Variants in PDE11A observed in about 807,000 individuals in gnomAD.
The protein encoded by PDE11A is phosphodiesterase 11A, also known as dual 3',5'-cyclic-AMP and -GMP phosphodiesterase 11A.
PDE11A carries 100 observed loss-of-function variants against 100.5 expected under a neutral mutation model. That is an observed-to-expected ratio of 1.00 (90% CI 0.85 to 1.18). The LOEUF (loss-of-function observed/expected upper bound fraction) is 1.18, where lower values mean the gene tolerates loss of function less well. Among genes scored for constraint, PDE11A ranks in the 50% most tolerant of loss-of-function variants. The probability of loss-of-function intolerance (pLI) is 0.00; values close to 1 mark genes in which losing one functional copy is unlikely to be tolerated. For synonymous variants in PDE11A, 381 were observed against 420.8 expected (o/e 0.91, Z 1.16); for missense variants, 1,141 against 1,152.6 (o/e 0.99, Z 0.15).
chr2:177,638,154 C>T (rs1197528625), intron 19 of PDE11A, among the ~76,000 whole-genome samples: 1 of 151,558 alleles, frequency 6.6e-6, no homozygotes, highest in Non-Finnish European at 1.5e-5. Context: ...TGCCCGCCAC[C>T]GTGCCCGGCT....
intron 2 of PDE11A, among the ~76,000 whole-genome samples, chr2:177,947,288 G>C (rs1026355427): frequency 2.8e-5 from 4 of 144,430 alleles, no homozygotes; most frequent in Admixed American, 1.4e-4. Context: ...CATTGAGAAC[G>C]GGCCAGGATG....
chr2:177,851,759 T>A (rs1297067252), intron 5 of PDE11A, among the ~76,000 whole-genome samples: 1 of 152,078 alleles, frequency 6.6e-6, no homozygotes, highest in Non-Finnish European at 1.5e-5. Context: ...AACTTTTAAG[T>A]TCAGGGGTAC....
rs892470540 is a variant in PDE11A at position 177,628,433 on chromosome 2, T to C, written c.*974A>G. 2.0e-5 allele frequency: 3 copies of C among 152,646 alleles called. No homozygotes were observed. The highest frequency in any genetic ancestry group is 4.4e-5 in the Non-Finnish European group (3 of 68,026). 9.5% of individuals were successfully genotyped at this position (152,646 alleles called of 1,614,324 possible). A position where few individuals can be genotyped will look rare whatever the true frequency, so the allele number is the denominator to read the frequency against. On this transcript the variant is annotated 3_prime_UTR_variant, in exon 20 of 20. Transcript: ENST00000286063. ...TTGCCCAGACTGTTATTTCTTAACA[T>C]TTGAAGCATTGTTTCTTACACTTAA...
intron 4 of PDE11A, among the ~76,000 whole-genome samples, chr2:177,897,515 A>G (rs896924824): frequency 6.6e-5 from 10 of 152,184 alleles, no homozygotes; most frequent in African/African-American, 2.2e-4. Context: ...AAGCCTCCAC[A>G]GGACAAATCT....
At chr2:178,082,609 G>A (rs2087301309) in intron 2 of PDE11A, among the ~76,000 whole-genome samples, 1 of 152,284 alleles carries the variant, frequency 6.6e-6, no homozygotes, top group East Asian at 1.9e-4. Flanking sequence ...AGCTATAGGA[G>A]GAGTCATGAA....
At chr2:178,084,987 C>T (rs772637806) in intron 2 of PDE11A, among the ~76,000 whole-genome samples, 1 of 152,152 alleles carries the variant, frequency 6.6e-6, no homozygotes, top group Non-Finnish European at 1.5e-5. Flanking sequence ...CTTGGACTTT[C>T]CTTATGCCAC....
intron 10 of PDE11A, among the ~76,000 whole-genome samples, chr2:177,748,817 T>C (rs530238613): frequency 4.6e-5 from 7 of 152,106 alleles, no homozygotes; most frequent in Non-Finnish European, 1.0e-4. Context: ...GAATGAAGGA[T>C]CTATGAAAAT....
At chr2:177,755,248 T>G (rs980547176) in intron 10 of PDE11A, among the ~76,000 whole-genome samples, 1 of 152,234 alleles carries the variant, frequency 6.6e-6, no homozygotes, top group African/African-American at 2.4e-5. Context: ...TCACCCCTGA[T>G]TCTACTTAGT....
intron 6 of PDE11A, among the ~76,000 whole-genome samples, chr2:177,822,614 T>C (rs1456733075): frequency 6.6e-6 from 1 of 152,126 alleles, no homozygotes; most frequent in Non-Finnish European, 1.5e-5. Context: ...CAATTTGCAG[T>C]TTATACACAT....
intron 2 of PDE11A, among the ~76,000 whole-genome samples, chr2:177,927,424 G>GA (rs1371142208): frequency 6.6e-6 from 1 of 152,174 alleles, no homozygotes; most frequent in Non-Finnish European, 1.5e-5. Context: ...GAAGAGGAAA[G>GA]ACATTCATTT....
chr2:177,678,570 T>A (rs2080814099), intron 16 of PDE11A, among the ~76,000 whole-genome samples: 1 of 152,162 alleles, frequency 6.6e-6, no homozygotes, highest in South Asian at 2.1e-4. Context: ...GCAGACTGAC[T>A]TTTAGTTGGT....
chr2:177,808,590 T>C (rs1225455432), intron 9 of PDE11A, among the ~76,000 whole-genome samples: 2 of 152,162 alleles, frequency 1.3e-5, no homozygotes, highest in Non-Finnish European at 2.9e-5. Context: ...ATATGGAAGA[T>C]TTCTTAGCTA....
At chr2:177,644,579 C>T (rs929248398) in intron 19 of PDE11A, among the ~76,000 whole-genome samples, 1 of 152,178 alleles carries the variant, frequency 6.6e-6, no homozygotes. Flanking sequence ...TCAGATGAGA[C>T]TTTGGACTGT....
intron 13 of PDE11A, among the ~76,000 whole-genome samples, chr2:177,707,690 C>T (rs2081300060): frequency 2.6e-5 from 4 of 152,142 alleles, no homozygotes; most frequent in African/African-American, 9.7e-5. Flanking sequence ...GTCTTAATAT[C>T]ACGGTAATCC....
intron 9 of PDE11A, among the ~76,000 whole-genome samples, chr2:177,814,602 A>G (rs2105576046): frequency 6.6e-6 from 1 of 152,340 alleles, no homozygotes; most frequent in South Asian, 2.1e-4. Context: ...GGAACAAAGA[A>G]GTCAATGCCT....
chr2:178,108,083 G>A (rs2087642746), intron 1 of PDE11A, among the ~76,000 whole-genome samples: 1 of 152,234 alleles, frequency 6.6e-6, no homozygotes, highest in Non-Finnish European at 1.5e-5. Context: ...TAACACTGCA[G>A]ATGCTTACAA....
chr2:177,676,894 G>A (rs2080784585), intron 16 of PDE11A, among the ~76,000 whole-genome samples: 1 of 152,188 alleles, frequency 6.6e-6, no homozygotes, highest in Admixed American at 6.5e-5. Flanking sequence ...AGCACACAGA[G>A]ATTAAGTCAT....
chr2:177,631,557 A>G (rs374618184), intron 19 of PDE11A, among the ~76,000 whole-genome samples: 19,139 of 32,908 alleles, frequency 0.58, 7,261 homozygotes, highest in East Asian at 0.8. Flanking sequence ...ACACATGTAT[A>G]TATATATATA....
rs529921681 is a variant in PDE11A at position 178,018,333 on chromosome 2, T to C, written c.913-3873A>G. ...AACAAGTTGTTTCAAACTATGTCTA[T>C]GCAGACGCATCACGGAAAGCTGCCA... On this transcript the variant is annotated intron_variant, in intron 1 of 19. Coordinates refer to ENST00000286063, the MANE Select transcript of PDE11A (RefSeq NM_016953.4). The C allele has an allele frequency of 8.9e-4, 290 of 326,782 alleles. 1 individual carries two copies. The highest frequency in any genetic ancestry group is 5.9e-3 in the African/African-American group (264 of 44,524). 20.2% of individuals were successfully genotyped at this position (326,782 alleles called of 1,614,324 possible). A position where few individuals can be genotyped will look rare whatever the true frequency, so the allele number is the denominator to read the frequency against.
Sources: gnomAD v4.1 joint callset for allele counts (sites outside exome capture counted in the v4.1 genomes callset) on GRCh38, gnomAD v4.1.1 for gene constraint, MANE v1.5 for transcripts, NCBI Gene and HGNC (gene_info 2026-07-23, HGNC 2026-07-21) for gene names.